RSPH10B: variants seen among roughly 807,000 people sequenced by gnomAD.
RSPH10B encodes radial spoke head 10 homolog B (Chlamydomonas).
A neutral mutation model predicts 52.5 loss-of-function variants in RSPH10B; 7 were observed. The observed-to-expected ratio is 0.13, with a 90% CI of 0.08 to 0.25. The LOEUF (loss-of-function observed/expected upper bound fraction) is 0.25, where lower values mean the gene tolerates loss of function less well. Ranked by LOEUF, RSPH10B falls within the 10% of genes least tolerant of loss-of-function variation. The probability of loss-of-function intolerance (pLI) is 1.00; values close to 1 mark genes in which losing one functional copy is unlikely to be tolerated. For missense variants in RSPH10B, 89 were observed against 542.5 expected, an observed-to-expected ratio of 0.16 and a Z score of 8.30; for synonymous variants, 28 against 193.2, an observed-to-expected ratio of 0.14 and a Z score of 7.09.
chr7:5,926,751 AAAG>A (rs1387750127), intron 18 of RSPH10B, among the ~76,000 whole-genome samples: 1 of 138,384 alleles, frequency 7.2e-6, no homozygotes, highest in Non-Finnish European at 1.6e-5. Flanking sequence ...CTATCTATGA[AAAG>A]AAAATTTTTT....
rs1157963918 is a variant in RSPH10B at position 5,966,755 on chromosome 7, C to T, written c.254+108G>A. The T allele has an allele frequency of 1.7e-5, 5 of 300,686 alleles. 1 individual carries two copies. The African/African-American group carries it at 2.9e-4, about 18-fold the overall frequency. The allele number at this position is 300,686 out of a possible 1,614,324, so 18.6% of individuals were successfully genotyped here. A position where few individuals can be genotyped will look rare whatever the true frequency, so the allele number is the denominator to read the frequency against. ...GAGGTTGCAGTGAGCCAAGATCACA[C>T]CACTGCACTCCAGCCTGAACGACAG... On this transcript the variant is annotated intron_variant, in intron 1 of 18. Coordinates refer to ENST00000337579, the Ensembl canonical transcript of RSPH10B.
chr7:5,961,379 G>A (rs1242630398), intron 3 of RSPH10B, among the ~76,000 whole-genome samples: 39 of 143,642 alleles, frequency 2.7e-4, no homozygotes, highest in African/African-American at 8.1e-4. Flanking sequence ...TCACTCTGTC[G>A]CCCAGGCTGT....
At chr7:5,944,301 G>C (rs1301344982) in intron 11 of RSPH10B, among the ~76,000 whole-genome samples, 1 of 150,798 alleles carries the variant, frequency 6.6e-6, no homozygotes, top group Admixed American at 6.7e-5. Context: ...GGGAGGCTGA[G>C]GCAGGAGAAT....
intron 18 of RSPH10B, among the ~76,000 whole-genome samples, chr7:5,927,797 G>A (rs1308912803): frequency 2.7e-5 from 4 of 146,232 alleles, no homozygotes; most frequent in South Asian, 2.2e-4. Flanking sequence ...TTAGCCAGGC[G>A]TGGTGGTGCA....
chr7:5,931,008 A>T (rs1779733996), intron 17 of RSPH10B, among the ~76,000 whole-genome samples: 3 of 98,908 alleles, frequency 3.0e-5, no homozygotes, highest in African/African-American at 1.1e-4. Context: ...GTCTCAGCTC[A>T]CTGCAACCTC....
chr7:5,944,804 C>CAA (rs1276903573), intron 11 of RSPH10B, among the ~76,000 whole-genome samples: 2 of 144,038 alleles, frequency 1.4e-5, no homozygotes, highest in African/African-American at 5.4e-5. Context: ...ACTAAAAATA[C>CAA]AAAAAAAAAT....
At chr7:5,944,527 C>A (rs12531695) in intron 11 of RSPH10B, among the ~76,000 whole-genome samples, 19,734 of 147,592 alleles carry the variant, frequency 0.13, 1,053 homozygotes, top group Admixed American at 0.25. Context: ...GCATTAGAAA[C>A]CCCGAGAGAT....
In RSPH10B at chr7:5,929,146, A is replaced by G. The variant is rs919322263; in HGVS notation, c.2234-752T>C. ...CCTATCTCAGCCTCCCTAATAGCTG[A>G]GAATACAGGCATGTACCACCACACG... is the stretch of plus-strand genomic sequence containing the variant. On this transcript the variant is annotated intron_variant, in intron 17 of 18. Coordinates refer to ENST00000337579, the Ensembl canonical transcript of RSPH10B. Among the ~76,000 whole-genome samples, 14 of 145,158 alleles carry G rather than the reference A, an allele frequency of 9.6e-5. 2 individuals carry two copies. The highest frequency in any genetic ancestry group is 1.3e-4 in the Non-Finnish European group (9 of 66,934).
intron 16 of RSPH10B, among the ~76,000 whole-genome samples, chr7:5,933,461 ATAAAAT>A (rs1779872766): frequency 3.9e-5 from 5 of 129,554 alleles, no homozygotes; most frequent in African/African-American, 1.3e-4. Context: ...TATTTATTGT[ATAAAAT>A]TAACGATACC....
upstream of RSPH10B, among the ~76,000 whole-genome samples, chr7:5,968,393 A>AC (rs1336606089): frequency 1.1e-4 from 15 of 138,314 alleles, no homozygotes; most frequent in South Asian, 2.7e-4. Flanking sequence ...CTGTCTCAAA[A>AC]AAAACAAAAC....
chr7:5,957,008 T>TAAA (rs546021012), intron 6 of RSPH10B, among the ~76,000 whole-genome samples: 1,191 of 20,776 alleles, frequency 0.057, no homozygotes, highest in South Asian at 0.14. Flanking sequence ...ACCTCGTTTC[T>TAAA]AAAAAAAAAA....
chr7:5,942,926 A>T (rs71531346), intron 13 of RSPH10B, among the ~76,000 whole-genome samples: 2,487 of 140,938 alleles, frequency 0.018, 27 homozygotes, highest in East Asian at 0.028. Flanking sequence ...ATATATATAT[A>T]TTTTTTTTTA....
At chr7:5,943,771 C>A in intron 12 of RSPH10B, 140 bp downstream of exon 14, 1 of 1,482,896 alleles carries the variant, frequency 6.7e-7, no homozygotes, top group Non-Finnish European at 9.1e-7. Context: ...GTCTTGAACT[C>A]CTTGACCTCA....
At chr7:5,931,432 GA>G (rs2128622228) in intron 17 of RSPH10B, among the ~76,000 whole-genome samples, 1 of 151,608 alleles carries the variant, frequency 6.6e-6, no homozygotes, top group Non-Finnish European at 1.5e-5. Context: ...GACACCGTCA[GA>G]AAAGGGGGAG....
chr7:5,965,744 G>C, intron 1 of RSPH10B, 32 bp from the exon 4 acceptor site: 1 of 151,234 alleles, frequency 6.6e-6, no homozygotes, highest in Non-Finnish European at 1.2e-5. Flanking sequence ...TCAAGGTAAT[G>C]AACAATGTGA....
chr7:5,943,056 T>C (rs187621650), intron 13 of RSPH10B, among the ~76,000 whole-genome samples: 20 of 150,434 alleles, frequency 1.3e-4, no homozygotes, highest in Non-Finnish European at 2.2e-4. Context: ...TATATATATA[T>C]GCATGCCATG....
rs532630332 is a variant in RSPH10B, at chr7:5,943,217, G to A, written c.1758+107C>T. ...TTAATGGTCCTGAAAATCCAGCCCA[G>A]ATCTTCACCTGATTATTTGCATATC... On this transcript the variant is annotated intron_variant, in intron 13 of 18. Coordinates refer to ENST00000337579, the Ensembl canonical transcript of RSPH10B. 7.7e-6 allele frequency: 12 copies of A among 1,555,804 alleles called. No homozygotes were observed. The South Asian group carries it at 8.5e-5, about 11-fold the overall frequency.
chr7:5,961,244 T>G (rs1257072931), intron 3 of RSPH10B, among the ~76,000 whole-genome samples: 12 of 139,190 alleles, frequency 8.6e-5, no homozygotes, highest in Non-Finnish European at 3.2e-5. Context: ...TCACAGCACT[T>G]TGGGAGACTG....
chr7:5,927,060 G>GTATATATATA (rs1554284531), intron 18 of RSPH10B, among the ~76,000 whole-genome samples: 196 of 72,634 alleles, frequency 2.7e-3, no homozygotes, highest in African/African-American at 0.011. Context: ...ATGTGTGTGT[G>GTATATATATA]TGTGTGTATA....
Sources: allele counts gnomAD v4.1 joint callset (sites outside exome capture counted in the v4.1 genomes callset), GRCh38; gene constraint gnomAD v4.1.1; transcripts MANE v1.5; gene names NCBI Gene and HGNC (gene_info 2026-07-23, HGNC 2026-07-21).